The following SND1 variants were observed in gnomAD, a reference collection of about 807,000 sequenced individuals.
SND1 encodes the protein staphylococcal nuclease domain-containing protein 1.
Under a neutral mutation model 121.7 loss-of-function variants are expected in SND1, and 38 were observed. The ratio of observed to expected loss-of-function variants is 0.31; its 90% CI spans 0.24 to 0.41. SND1 has a LOEUF of 0.41. SND1 is among the 10% of genes least tolerant of loss of function. The pLI is 1.00. For missense variants in SND1, 868 were observed against 1,184.6 expected, an observed-to-expected ratio of 0.73 and a Z score of 3.92; for synonymous variants, 401 against 447.4, an observed-to-expected ratio of 0.90 and a Z score of 1.31.
chr7:127,723,816 A>G (rs182741820), intron 10 of SND1, among the ~76,000 whole-genome samples: 27 of 152,386 alleles, frequency 1.8e-4, no homozygotes, highest in Admixed American at 7.8e-4. Flanking sequence ...TTAAAAAACT[A>G]AAAAGAAACA....
intron 7 of SND1, 60 bp from the exon 8 acceptor site, chr7:127,704,779 A>T: frequency 7.4e-7 from 1 of 1,353,324 alleles, no homozygotes; most frequent in Non-Finnish European, 1.1e-6. Context: ...GTCTAGAGAA[A>T]TGGATTCTTT....
At chr7:127,926,957 A>G (rs946815651) in intron 14 of SND1, among the ~76,000 whole-genome samples, 5 of 152,060 alleles carry the variant, frequency 3.3e-5, no homozygotes, top group African/African-American at 1.2e-4. Flanking sequence ...CCTCTTGGCT[A>G]TCTTCCCATT....
chr7:127,973,421 C>T (rs1332771143), intron 15 of SND1, among the ~76,000 whole-genome samples: 1 of 152,142 alleles, frequency 6.6e-6, no homozygotes, highest in African/African-American at 2.4e-5. Flanking sequence ...TGTTCGGAGG[C>T]TTCTGAACTG....
chr7:127,815,829 G>A (rs1473802055), intron 11 of SND1, among the ~76,000 whole-genome samples: 3 of 152,294 alleles, frequency 2.0e-5, no homozygotes, highest in Non-Finnish European at 2.9e-5. Flanking sequence ...ACTCTTGGCC[G>A]AACCTCTTGT....
chr7:127,777,555 A>G (rs1487471176), intron 10 of SND1, among the ~76,000 whole-genome samples: 1 of 152,230 alleles, frequency 6.6e-6, no homozygotes, highest in Non-Finnish European at 1.5e-5. Context: ...TAGGGACATG[A>G]TAGCACTATT....
At chr7:127,784,559 A>G (rs1797778162) in intron 10 of SND1, among the ~76,000 whole-genome samples, 1 of 152,342 alleles carries the variant, frequency 6.6e-6, no homozygotes, top group Non-Finnish European at 1.5e-5. Flanking sequence ...AGAATAATGG[A>G]CAGTCCTTCA....
intron 7 of SND1, 47 bp from the exon 8 acceptor site, chr7:127,704,792 C>A (rs1200347111): frequency 6.9e-7 from 1 of 1,444,552 alleles, no homozygotes; most frequent in African/African-American, 1.4e-5. Flanking sequence ...GATTCTTTTA[C>A]AACAGAGTCT....
At chr7:127,832,238 GTACA>G (rs1798754043) in intron 11 of SND1, among the ~76,000 whole-genome samples, 2 of 152,190 alleles carry the variant, frequency 1.3e-5, no homozygotes, top group African/African-American at 4.8e-5. Context: ...CACCACATTT[GTACA>G]TACATCTTTG....
intron 10 of SND1, among the ~76,000 whole-genome samples, chr7:127,741,484 ATAAT>A (rs1235705815): frequency 6.6e-6 from 1 of 152,170 alleles, no homozygotes; most frequent in African/African-American, 2.4e-5. Flanking sequence ...CTCAACTAAA[ATAAT>A]TAAAGCAAAT....
intron 3 of SND1, among the ~76,000 whole-genome samples, chr7:127,696,129 A>G (rs1042881719): frequency 6.6e-6 from 1 of 152,208 alleles, no homozygotes; most frequent in African/African-American, 2.4e-5. Flanking sequence ...CAGATAGCTC[A>G]TGTAACGGAG....
At chr7:127,886,193 T>C (rs1799903717) in intron 12 of SND1, among the ~76,000 whole-genome samples, 1 of 152,018 alleles carries the variant, frequency 6.6e-6, no homozygotes, top group Non-Finnish European at 1.5e-5. Flanking sequence ...TTTGGAGATA[T>C]TAATACCGTG....
chr7:127,902,761 G>C (rs1383873552), intron 13 of SND1, among the ~76,000 whole-genome samples: 1 of 151,992 alleles, frequency 6.6e-6, no homozygotes, highest in Non-Finnish European at 1.5e-5. Context: ...CTTTCGCCCA[G>C]GTTAGAGTGC....
At chr7:127,719,188 G>A (rs1796445405) in intron 9 of SND1, among the ~76,000 whole-genome samples, 1 of 152,064 alleles carries the variant, frequency 6.6e-6, no homozygotes, top group Non-Finnish European at 1.5e-5. Context: ...TCCAAATGTG[G>A]GATTTTGAAG....
rs774924951 is a variant in SND1, at chr7:128,029,229, C to G, written c.1779+38173C>G. On this transcript the variant is annotated intron_variant, in intron 16 of 23. Transcript: ENST00000354725. The surrounding 1 kb of genome is among the most constrained non-coding windows in gnomAD (Gnocchi z 4.2). ...CGTGGTAGGAACAGGCTTGTACTTT[C>G]GCGTTGTGTCCTCAGGCGAGATCTC... The G allele has an allele frequency of 1.6e-5, 26 of 1,613,916 alleles. No homozygotes were observed. Among genetic ancestry groups the G allele is most frequent in the Non-Finnish European group, 2.1e-5 (25 of 1,180,026 alleles).
At chr7:128,046,879 A>C (rs150096183) in intron 16 of SND1, among the ~76,000 whole-genome samples, 1 of 152,242 alleles carries the variant, frequency 6.6e-6, no homozygotes, top group Non-Finnish European at 1.5e-5. Context: ...GAATATATTC[A>C]TATCATATTA....
intron 3 of SND1, among the ~76,000 whole-genome samples, chr7:127,695,274 T>C (rs903972048): frequency 6.6e-6 from 1 of 152,222 alleles, no homozygotes; most frequent in Non-Finnish European, 1.5e-5. Context: ...CTAATTGAAT[T>C]TCTATAGATT....
intron 10 of SND1, among the ~76,000 whole-genome samples, chr7:127,738,161 C>T (rs906740404): frequency 1.1e-4 from 16 of 152,224 alleles, no homozygotes; most frequent in Non-Finnish European, 2.2e-4. Flanking sequence ...TGTCCTTTCT[C>T]ACTGTGGGCA....
intron 11 of SND1, among the ~76,000 whole-genome samples, chr7:127,831,206 A>T (rs1183288126): frequency 2.0e-5 from 3 of 152,118 alleles, no homozygotes; most frequent in African/African-American, 7.2e-5. Flanking sequence ...CACAAGGGGG[A>T]TGGGGCACAG....
chr7:127,999,290 C>T (rs548907520), intron 16 of SND1: 1 of 152,068 alleles, frequency 6.6e-6, no homozygotes, highest in Non-Finnish European at 1.5e-5. Context: ...CTTCCCTTCC[C>T]TTCCCCTAGG....
Sources: allele counts gnomAD v4.1 joint callset (sites outside exome capture counted in the v4.1 genomes callset), GRCh38; gene constraint gnomAD v4.1.1; non-coding constraint Gnocchi (gnomAD v3.1); transcripts MANE v1.5; gene names NCBI Gene and HGNC (gene_info 2026-07-23, HGNC 2026-07-21).